Variants in DAB1 observed in about 807,000 individuals in gnomAD.
DAB1 encodes the protein disabled homolog 1.
A neutral mutation model predicts 64.6 loss-of-function variants in DAB1; 15 were observed. The ratio of observed to expected loss-of-function variants is 0.23; its 90% CI spans 0.16 to 0.36. DAB1 has a LOEUF of 0.36. Ranked by LOEUF, DAB1 falls within the 10% of genes least tolerant of loss-of-function variation. The probability of loss-of-function intolerance (pLI) is 1.00; values close to 1 mark genes in which losing one functional copy is unlikely to be tolerated. For synonymous variants in DAB1, 235 were observed against 251.9 expected (o/e 0.93, Z 0.64); for missense variants, 596 against 706.7 (o/e 0.84, Z 1.78).
intron 1 of DAB1, among the ~76,000 whole-genome samples, chr1:57,304,055 A>G (rs968634348): frequency 6.6e-6 from 1 of 152,170 alleles, no homozygotes; most frequent in Admixed American, 6.5e-5. Context: ...TCGTATTGCT[A>G]TAGAGAAATA....
At chr1:57,304,613 G>A (rs1270833937) in intron 1 of DAB1, among the ~76,000 whole-genome samples, 1 of 152,112 alleles carries the variant, frequency 6.6e-6, no homozygotes, top group East Asian at 1.9e-4. Context: ...ACCCATAAGC[G>A]TTGCTGAGTA....
intron 5 of DAB1, among the ~76,000 whole-genome samples, chr1:58,124,382 G>T (rs1464435552): frequency 1.3e-5 from 2 of 152,002 alleles, no homozygotes; most frequent in African/African-American, 2.4e-5. Context: ...GGTGTACAAA[G>T]TCAAGTCATC....
Position 57,011,186 on chromosome 1 carries a change from C to G in DAB1, c.1531G>C (p.Glu511Gln), listed in dbSNP as rs779718940. ...CTTTTGCTGGGACTTTCAAAGCCCT[C>G]TTCAAAGATGTCATCTGTGGTAGGA... Reference protein sequence around the residue: ...SDPTTDDIFEEGFESPSKSEE... With the variant: ...SDPTTDDIFEQGFESPSKSEE... The change falls in exon 13 of 15, where the codon GAG becomes CAG. Residue 511 changes from glutamate to glutamine, a missense_variant. By Grantham distance (29) the Glu-to-Gln change is conservative. Coordinates refer to ENST00000371236, the MANE Select transcript of DAB1 (RefSeq NM_001365792.1). 3 of 1,614,078 alleles carry G rather than the reference C, an allele frequency of 1.9e-6. No homozygotes were observed. Among genetic ancestry groups the G allele is most frequent in the Non-Finnish European group, 2.5e-6 (3 of 1,179,918 alleles).
At chr1:57,690,834 C>T (rs1417557201) in intron 6 of DAB1, among the ~76,000 whole-genome samples, 4 of 152,128 alleles carry the variant, frequency 2.6e-5, no homozygotes, top group East Asian at 1.9e-4. Flanking sequence ...GGATAAAAAA[C>T]ATTTTTAACA....
chr1:57,730,533 A>T (rs1376507633), intron 6 of DAB1, among the ~76,000 whole-genome samples: 1 of 152,202 alleles, frequency 6.6e-6, no homozygotes, highest in Non-Finnish European at 1.5e-5. Flanking sequence ...GGGGGCCTGA[A>T]GGGGGAGTTT....
intron 5 of DAB1, among the ~76,000 whole-genome samples, chr1:58,021,427 A>G (rs1279747102): frequency 6.6e-6 from 1 of 152,252 alleles, no homozygotes; most frequent in African/African-American, 2.4e-5. Context: ...AAGATTAAAT[A>G]ATTTGCTCAA....
intron 5 of DAB1, among the ~76,000 whole-genome samples, chr1:57,980,896 T>A (rs1033766674): frequency 2.0e-5 from 3 of 150,536 alleles, no homozygotes; most frequent in Admixed American, 6.6e-5. Flanking sequence ...TCTACATGTA[T>A]ATATGTATAT....
chr1:58,285,491 T>C (rs1339780306), intron 4 of DAB1, among the ~76,000 whole-genome samples: 1 of 152,154 alleles, frequency 6.6e-6, no homozygotes, highest in Non-Finnish European at 1.5e-5. Flanking sequence ...AAAATCAATG[T>C]GTAAAAATCA....
chr1:57,170,438 TGGAG>T (rs888031106), intron 2 of DAB1, among the ~76,000 whole-genome samples: 6 of 152,054 alleles, frequency 3.9e-5, no homozygotes, highest in Admixed American at 2.0e-4. Context: ...ACATAAGAGA[TGGAG>T]GGAGAGAAAA....
intron 4 of DAB1, among the ~76,000 whole-genome samples, chr1:58,323,383 C>G (rs1190325085): frequency 6.6e-6 from 1 of 152,148 alleles, no homozygotes; most frequent in Non-Finnish European, 1.5e-5. Flanking sequence ...ACTCAACAGT[C>G]TGCCTGTAAG....
rs532585628 is a variant in DAB1 at position 57,868,501 on chromosome 1, T to C, written n.87+15498A>G. The stretch of plus-strand genomic sequence containing the variant: ...GAGCTGGCCTGGTCTTGTCATTACG[T>C]TGGAGTTACTGACCTCTTAGGGCAG... On this transcript the variant is annotated intron_variant and non_coding_transcript_variant, in intron 1 of 1. Coordinates refer to the DAB1 transcript ENST00000477280. 2.6e-4 allele frequency among the ~76,000 whole-genome samples: 40 copies of C among 152,202 alleles called. No homozygotes were observed. In the Middle Eastern group the frequency reaches 0.01, roughly 39 times the overall value.
intron 4 of DAB1, among the ~76,000 whole-genome samples, chr1:58,197,233 C>G (rs933611230): frequency 6.6e-6 from 1 of 152,094 alleles, no homozygotes; most frequent in African/African-American, 2.4e-5. Flanking sequence ...TAAACCCTGA[C>G]AAGATCTATT....
At chr1:57,349,512 A>C (rs1441604905) in intron 1 of DAB1, among the ~76,000 whole-genome samples, 1 of 152,178 alleles carries the variant, frequency 6.6e-6, no homozygotes, top group Non-Finnish European at 1.5e-5. Context: ...AAGTAAGGGA[A>C]AAAAAAGGAA....
chr1:57,052,282 C>G (rs950827236), intron 9 of DAB1, among the ~76,000 whole-genome samples: 3 of 152,102 alleles, frequency 2.0e-5, no homozygotes, highest in Non-Finnish European at 4.4e-5. Flanking sequence ...CATTATACAA[C>G]AAAGAAAGAA....
chr1:57,153,488 A>G (rs1659892492), intron 2 of DAB1, among the ~76,000 whole-genome samples: 1 of 152,224 alleles, frequency 6.6e-6, no homozygotes, highest in Admixed American at 6.5e-5. Context: ...TCTGAATGAG[A>G]CATAACAACT....
chr1:57,476,169 T>C (rs1029413823), intron 7 of DAB1, among the ~76,000 whole-genome samples: 1 of 146,420 alleles, frequency 6.8e-6, no homozygotes, highest in African/African-American at 2.6e-5. Flanking sequence ...GAGGTTGCAG[T>C]GAGCCGAGGT....
At chr1:58,462,681 A>C (rs2100314993) in intron 3 of DAB1, 1 of 152,328 alleles carries the variant, frequency 6.6e-6, no homozygotes, top group East Asian at 1.9e-4. Context: ...CCCAGAAGAC[A>C]AATATCCCGC....
At chr1:57,107,987 G>C (rs1370798197) in intron 4 of DAB1, among the ~76,000 whole-genome samples, 1 of 152,086 alleles carries the variant, frequency 6.6e-6, no homozygotes, top group Admixed American at 6.5e-5. Flanking sequence ...CATCATTCCT[G>C]GCACTTGGTA....
chr1:57,158,310 A>AT (rs969323435), intron 2 of DAB1, among the ~76,000 whole-genome samples: 4 of 152,048 alleles, frequency 2.6e-5, no homozygotes, highest in Non-Finnish European at 2.9e-5. Context: ...GCTGTTTGGG[A>AT]TTTTTTTGTT....
Sources: allele counts gnomAD v4.1 joint callset (sites outside exome capture counted in the v4.1 genomes callset), GRCh38; gene constraint gnomAD v4.1.1; transcripts MANE v1.5; gene names NCBI Gene and HGNC (gene_info 2026-07-23, HGNC 2026-07-21).